The following ZNF385D variants were observed in gnomAD, a reference collection of about 807,000 sequenced individuals.
The protein encoded by ZNF385D is zinc finger protein 385D.
A neutral mutation model predicts 35.8 loss-of-function variants in ZNF385D; 15 were observed. The ratio of observed to expected loss-of-function variants is 0.42; its 90% CI spans 0.28 to 0.64. ZNF385D has a LOEUF of 0.64. Ranked by LOEUF, ZNF385D falls within the 30% of genes least tolerant of loss-of-function variation. The pLI, the probability that ZNF385D is intolerant of heterozygous loss-of-function variation, is 0.23. For synonymous variants in ZNF385D, 212 were observed against 186.8 expected (o/e 1.13, Z -1.10); for missense variants, 474 against 494.6 (o/e 0.96, Z 0.39).
At chr3:21,553,475 A>G (rs1469419396) in intron 3 of ZNF385D, among the ~76,000 whole-genome samples, 2 of 152,188 alleles carry the variant, frequency 1.3e-5, no homozygotes, top group South Asian at 2.1e-4. Context: ...AGCAAGACAT[A>G]ATGTTTTTGC....
chr3:22,108,739 G>C (rs1702355904), intron 3 of ZNF385D, among the ~76,000 whole-genome samples: 1 of 152,138 alleles, frequency 6.6e-6, no homozygotes, highest in East Asian at 1.9e-4. Context: ...CAGGCTAGGT[G>C]CAGTGGCTCA....
intron 2 of ZNF385D, among the ~76,000 whole-genome samples, chr3:22,226,885 T>A (rs1325528057): frequency 6.6e-6 from 1 of 152,170 alleles, no homozygotes. Flanking sequence ...GACCTTAATA[T>A]TCTCTCCATT....
At chr3:21,877,151 C>G (rs565854277) in intron 3 of ZNF385D, among the ~76,000 whole-genome samples, 7 of 152,022 alleles carry the variant, frequency 4.6e-5, no homozygotes, top group African/African-American at 4.8e-5. Context: ...ATGTGGAACA[C>G]CAAAACACTG....
Position 21,945,782 on chromosome 3 carries a change from A to T in ZNF385D, c.325+223035T>A, listed in dbSNP as rs376516988. Among the ~76,000 whole-genome samples the T allele has an allele frequency of 1.8e-3, 278 of 152,324 alleles. 3 individuals carry two copies. In the South Asian group the frequency reaches 0.022, roughly 12 times the overall value. On this transcript the variant is annotated intron_variant, in intron 3 of 5. Coordinates refer to the ZNF385D transcript ENST00000494108. ...CCTAACTTTGTGAAATGTCTTAAAG[A>T]AAAATTGTTTAAATGTGTGCCTTGA...
In ZNF385D at chr3:22,337,308, C is replaced by T. The variant is rs543399638; in HGVS notation, c.106+35142G>A. On this transcript the variant is annotated intron_variant, in intron 2 of 5. Coordinates refer to the ZNF385D transcript ENST00000494108. ...AGATTTTGAAAGGTCGAGGTGGGGG[C>T]AGCTCACTTGAGGCCAGGAGTTCAA... 3.0e-3 allele frequency among the ~76,000 whole-genome samples: 456 copies of T among 152,114 alleles called. 3 individuals are homozygous for T. Among genetic ancestry groups the T allele is most frequent in the African/African-American group, 9.1e-3 (378 of 41,514 alleles).
intron 3 of ZNF385D, among the ~76,000 whole-genome samples, chr3:22,139,890 G>A (rs1428816692): frequency 6.6e-6 from 1 of 152,150 alleles, no homozygotes; most frequent in East Asian, 1.9e-4. Context: ...TGAAATAAAA[G>A]ATAGTGAAAT....
intron 3 of ZNF385D, among the ~76,000 whole-genome samples, chr3:21,858,326 T>C (rs1696847684): frequency 6.6e-6 from 1 of 152,022 alleles, no homozygotes; most frequent in Non-Finnish European, 1.5e-5. Context: ...AAGGAACAGT[T>C]ATATGCACAG....
At chr3:22,146,806 A>G (rs908647107) in intron 3 of ZNF385D, among the ~76,000 whole-genome samples, 14 of 152,138 alleles carry the variant, frequency 9.2e-5, no homozygotes, top group African/African-American at 3.1e-4. Context: ...CCAAAATAAT[A>G]CACTTTGATG....
At chr3:22,049,486 C>T (rs999439139) in intron 3 of ZNF385D, among the ~76,000 whole-genome samples, 9 of 152,008 alleles carry the variant, frequency 5.9e-5, no homozygotes, top group Non-Finnish European at 1.2e-4. Flanking sequence ...CTCCACCTTC[C>T]TTCCCATCGG....
chr3:21,964,202 T>G (rs75406866), intron 3 of ZNF385D, among the ~76,000 whole-genome samples: 78 of 152,034 alleles, frequency 5.1e-4, no homozygotes, highest in African/African-American at 1.7e-3. Flanking sequence ...AAGGTAAGTT[T>G]AAACTATTTC....
intron 3 of ZNF385D, among the ~76,000 whole-genome samples, chr3:22,035,706 G>A (rs1044163637): frequency 6.6e-6 from 1 of 152,130 alleles, no homozygotes; most frequent in African/African-American, 2.4e-5. Context: ...CAAGCAATGG[G>A]CCATGAGTGT....
chr3:21,621,554 CGT>C (rs58332425), intron 2 of ZNF385D, among the ~76,000 whole-genome samples: 3,413 of 136,914 alleles, frequency 0.025, 124 homozygotes, highest in African/African-American at 0.082. Flanking sequence ...AAAAAATTCC[CGT>C]GTGTGTGTGT....
At chr3:21,580,803 G>A (rs982746763) in intron 2 of ZNF385D, among the ~76,000 whole-genome samples, 1 of 149,638 alleles carries the variant, frequency 6.7e-6, no homozygotes, top group Non-Finnish European at 1.5e-5. Context: ...GTGTCTATGT[G>A]TGTGTATATA....
At chr3:22,189,544 G>A (rs1248810636) in intron 2 of ZNF385D, among the ~76,000 whole-genome samples, 8 of 152,188 alleles carry the variant, frequency 5.3e-5, no homozygotes, top group South Asian at 2.1e-4. Flanking sequence ...AAGGGAACCC[G>A]AAAGAGAAGA....
intron 1 of ZNF385D, among the ~76,000 whole-genome samples, chr3:21,728,583 A>G (rs1239388195): frequency 3.9e-5 from 6 of 152,194 alleles, no homozygotes; most frequent in Non-Finnish European, 8.8e-5. Flanking sequence ...CTGAGAACCT[A>G]CAGTATACAT....
At chr3:22,301,962 T>C (rs1164861858) in intron 2 of ZNF385D, among the ~76,000 whole-genome samples, 1 of 152,098 alleles carries the variant, frequency 6.6e-6, no homozygotes, top group African/African-American at 2.4e-5. Context: ...TGTTTCACTG[T>C]GTGTATATCC....
In ZNF385D at chr3:22,183,297, G is replaced by A. The variant is rs865918358; in HGVS notation, c.107-14262C>T. Among the ~76,000 whole-genome samples, 12 of 152,224 alleles carry A rather than the reference G, an allele frequency of 7.9e-5. No individual in the cohort carries two copies. The Middle Eastern group carries it at 0.017, about 216-fold the overall frequency. ...AAAATTATCTTAAAGGTAACAGTAT[G>A]CATTCTGCTCTTCTCAAGTGCTTTG... On this transcript the variant is annotated intron_variant, in intron 2 of 5. Coordinates refer to the ZNF385D transcript ENST00000494108.
chr3:21,494,106 TCTA>T (rs1309184119), intron 4 of ZNF385D, among the ~76,000 whole-genome samples: 1 of 152,158 alleles, frequency 6.6e-6, no homozygotes, highest in Non-Finnish European at 1.5e-5. Flanking sequence ...TCCAAAATTA[TCTA>T]CTATAAATTT....
chr3:21,772,387 CAAA>C (rs1289998915), intron 3 of ZNF385D, among the ~76,000 whole-genome samples: 6 of 151,416 alleles, frequency 4.0e-5, no homozygotes, highest in Non-Finnish European at 8.9e-5. Flanking sequence ...ACAACAACAA[CAAA>C]AAAACAAGCT....
Sources: allele counts gnomAD v4.1 joint callset (sites outside exome capture counted in the v4.1 genomes callset), GRCh38; gene constraint gnomAD v4.1.1; transcripts MANE v1.5; gene names NCBI Gene and HGNC (gene_info 2026-07-23, HGNC 2026-07-21).